The following TRAF3IP1 variants were observed in gnomAD, a reference collection of about 807,000 sequenced individuals.
TRAF3IP1 encodes the protein intraflagellar transport 54.
A neutral mutation model predicts 89.9 loss-of-function variants in TRAF3IP1; 53 were observed. That is an observed-to-expected ratio of 0.59 (90% CI 0.47 to 0.74). TRAF3IP1 has a LOEUF of 0.74. Ranked by LOEUF, TRAF3IP1 falls within the 30% of genes least tolerant of loss-of-function variation. The pLI is 0.00. For synonymous variants in TRAF3IP1, 311 were observed against 322.1 expected (o/e 0.97, Z 0.37); for missense variants, 806 against 866.1 (o/e 0.93, Z 0.87).
intron 15 of TRAF3IP1, among the ~76,000 whole-genome samples, chr2:238,370,855 C>G (rs1349398562): frequency 6.6e-6 from 1 of 152,202 alleles, no homozygotes; most frequent in African/African-American, 2.4e-5. Flanking sequence ...TGGGGAAGCA[C>G]TTGCCAGAGG....
In TRAF3IP1 at chr2:238,325,837, A is replaced by G; in HGVS notation, c.221A>G (p.Gln74Arg). 1 of 1,612,398 alleles carries G rather than the reference A, an allele frequency of 6.2e-7. No individual in the cohort carries two copies. The highest frequency in any genetic ancestry group is 1.1e-5 in the South Asian group (1 of 90,382). The change falls in exon 3 of 17, where the codon CAA becomes CGA. Residue 74 changes from glutamine (Q) to arginine (R), a missense_variant. Transcript: ENST00000373327. Reference protein sequence around the residue: ...KDKDAKISFLQKAIDVVVMVS... With the variant: ...KDKDAKISFLRKAIDVVVMVS... ...AAAGATGCAAAAATTAGCTTCCTAC[A>G]AAAGGCCATAGACGTGGTTGTAATG...
intron 15 of TRAF3IP1, among the ~76,000 whole-genome samples, chr2:238,392,087 C>T (rs557274316): frequency 1.1e-4 from 16 of 152,258 alleles, no homozygotes; most frequent in African/African-American, 2.6e-4. Flanking sequence ...AAATAATAGA[C>T]GCCCAGGTGT....
At chr2:238,355,060 C>T (rs1034645558) in intron 14 of TRAF3IP1, among the ~76,000 whole-genome samples, 4 of 151,988 alleles carry the variant, frequency 2.6e-5, no homozygotes, top group South Asian at 2.1e-4. Flanking sequence ...TCTCTAGTGG[C>T]GCATGCTTGC....
At chr2:238,329,397 C>A in intron 5 of TRAF3IP1, 55 bp downstream of exon 5, 1 of 1,315,060 alleles carries the variant, frequency 7.6e-7, no homozygotes, top group South Asian at 3.1e-5. Context: ...GTGGTGGTCT[C>A]AAACATGATT....
chr2:238,341,495 A>G (rs993933057), intron 8 of TRAF3IP1, among the ~76,000 whole-genome samples: 2 of 151,476 alleles, frequency 1.3e-5, no homozygotes, highest in African/African-American at 2.4e-5. Context: ...CTAAAACCCA[A>G]GCTGTATTCT....
rs764563139 is a variant in TRAF3IP1 at position 238,344,581 on chromosome 2, C to G, written c.1244C>G (p.Pro415Arg). The change falls in exon 9 of 17, where the codon CCC (proline) becomes CGC (arginine). Residue 415 changes from proline to arginine, a missense_variant. Pro to Arg is a moderately radical substitution (Grantham distance 103). Around this residue, in one of 3 missense-constraint regions of TRAF3IP1, gnomAD observed 732 missense variants for 780.5 expected, o/e 0.94. Coordinates refer to ENST00000373327, the MANE Select transcript of TRAF3IP1 (RefSeq NM_015650.4). ...CGGTGTGAGAATATTCAGCCCAACC[C>G]CACAGAGAAGCAGAAAGGTAAGAAT... ...SLRCENIQPN[P>R]TEKQKGDSTS... 6.8e-6 allele frequency: 11 copies of G among 1,613,980 alleles called. No individual in the cohort carries two copies. The East Asian group carries it at 2.2e-4, about 33-fold the overall frequency.
At chr2:238,382,867 G>A (rs768501212) in intron 15 of TRAF3IP1, among the ~76,000 whole-genome samples, 1 of 151,886 alleles carries the variant, frequency 6.6e-6, no homozygotes, top group Non-Finnish European at 1.5e-5. Context: ...GGTCACAAGA[G>A]CCTCGTTGCC....
intron 7 of TRAF3IP1, among the ~76,000 whole-genome samples, chr2:238,337,271 A>G (rs566387045): frequency 6.6e-6 from 1 of 152,290 alleles, no homozygotes; most frequent in African/African-American, 2.4e-5. Flanking sequence ...GTGAGCAGGG[A>G]GGGCCTCTCT....
intron 7 of TRAF3IP1, 42 bp downstream of exon 7, chr2:238,334,077 A>G (rs1574902223): frequency 9.7e-7 from 1 of 1,030,874 alleles, no homozygotes; most frequent in Non-Finnish European, 1.3e-6. Context: ...TATGGATATT[A>G]GTTTTTTTTT....
At chr2:238,348,155 C>T (rs1408082205) in intron 10 of TRAF3IP1, among the ~76,000 whole-genome samples, 1 of 150,166 alleles carries the variant, frequency 6.7e-6, no homozygotes, top group Non-Finnish European at 1.5e-5. Context: ...AAACTTTGTT[C>T]AGATTATAAA....
intron 14 of TRAF3IP1, among the ~76,000 whole-genome samples, 171 bp downstream of exon 14, chr2:238,353,380 A>T (rs983554303): frequency 6.6e-6 from 1 of 151,992 alleles, no homozygotes; most frequent in Non-Finnish European, 1.5e-5. Flanking sequence ...GGCATGGATT[A>T]CTCTTAAGGC....
intron 15 of TRAF3IP1, among the ~76,000 whole-genome samples, chr2:238,396,295 T>C (rs1263461071): frequency 2.8e-5 from 4 of 144,828 alleles, no homozygotes; most frequent in Admixed American, 7.3e-5. Flanking sequence ...AACCAAACAC[T>C]GCATGTTCTC....
At position 238,381,124 on chromosome 2, in the gene TRAF3IP1, T is replaced by A. The variant is rs72981974; in HGVS notation, c.1690-16335T>A. 3.9e-3 allele frequency among the ~76,000 whole-genome samples: 571 copies of A among 148,208 alleles called. 5 individuals carry two copies. The highest frequency in any genetic ancestry group is 9.0e-3 in the African/African-American group (368 of 41,038). On this transcript the variant is annotated intron_variant, in intron 15 of 16. Coordinates refer to ENST00000373327, the MANE Select transcript of TRAF3IP1 (RefSeq NM_015650.4). ...TAGGATGCTTGGGTTTTTTTTTTTT[T>A]AATTATTTATTTATTTATTTTTTTT...
rs10527993 is a variant in TRAF3IP1, at chr2:238,351,834, G to GGTGTGTGTGTGTGTGTGTGTGT, written c.1452-981_1452-960dup. On this transcript the variant is annotated intron_variant, in intron 12 of 16. Coordinates refer to ENST00000373327, the MANE Select transcript of TRAF3IP1 (RefSeq NM_015650.4). The surrounding 1 kb of genome is among the most constrained non-coding windows in gnomAD (Gnocchi z 5.2). ...TGGCACTGAAGCAAGGGAGGATTTT[G>GGTGTGTGTGTGTGTGTGTGTGT]GTGTGTGTGTGTGTGTGTGTGTGTG... Among the ~76,000 whole-genome samples, 12 of 140,864 alleles carry GGTGTGTGTGTGTGTGTGTGTGT rather than the reference G, an allele frequency of 8.5e-5. No individual in the cohort carries two copies. The highest frequency in any genetic ancestry group is 3.2e-4 in the African/African-American group (12 of 37,910). The allele number at this position is 140,864 out of a possible 152,430, so 92.4% of individuals were successfully genotyped here. A position where few individuals can be genotyped will look rare whatever the true frequency, so the allele number is the denominator to read the frequency against.
At chr2:238,331,107 C>T (rs1698099583) in intron 5 of TRAF3IP1, among the ~76,000 whole-genome samples, 1 of 151,958 alleles carries the variant, frequency 6.6e-6, no homozygotes, top group Non-Finnish European at 1.5e-5. Context: ...CGTTATGTTC[C>T]CTAAAACTGC....
In TRAF3IP1 at chr2:238,364,694, T is replaced by G. The variant is rs181992311; in HGVS notation, c.1689+8614T>G. Among the ~76,000 whole-genome samples the G allele has an allele frequency of 3.9e-5, 6 of 152,302 alleles. No homozygotes were observed. In the East Asian group the frequency reaches 1.2e-3, roughly 29 times the overall value. Reference sequence around the variant, plus strand: ...ATGCTTTTTCTTTTCATTTAAATTTTTTATTTTGAAATAGCTATTGGAGTA... The same window carrying G: ...ATGCTTTTTCTTTTCATTTAAATTTGTTATTTTGAAATAGCTATTGGAGTA... On this transcript the variant is annotated intron_variant, in intron 15 of 16. Coordinates refer to ENST00000373327, the MANE Select transcript of TRAF3IP1 (RefSeq NM_015650.4).
chr2:238,322,687 CAAAAAAA>C (rs71043130), intron 1 of TRAF3IP1, among the ~76,000 whole-genome samples: 2 of 43,598 alleles, frequency 4.6e-5, no homozygotes, highest in East Asian at 9.6e-4. Context: ...GACCCTGTCT[CAAAAAAA>C]AAAAAAAAAA....
intron 1 of TRAF3IP1, 65 bp downstream of exon 1, chr2:238,320,850 GC>G: frequency 8.1e-7 from 1 of 1,238,748 alleles, no homozygotes; most frequent in African/African-American, 1.6e-5. Flanking sequence ...CGAGGTCAGG[GC>G]CCGGGCCGGG....
At chr2:238,344,409 G>T in intron 8 of TRAF3IP1, 88 bp from the exon 9 acceptor site, 2 of 1,009,568 alleles carry the variant, frequency 2.0e-6, no homozygotes, top group Non-Finnish European at 3.0e-6. Flanking sequence ...ACATAGATAA[G>T]TAAGTGTGCT....
Sources: allele counts gnomAD v4.1 joint callset (sites outside exome capture counted in the v4.1 genomes callset), GRCh38; gene constraint gnomAD v4.1.1; regional missense constraint gnomAD v4.1.1; non-coding constraint Gnocchi (gnomAD v3.1); transcripts MANE v1.5; gene names NCBI Gene and HGNC (gene_info 2026-07-23, HGNC 2026-07-21).